Variants in DMC1 observed in about 807,000 individuals in gnomAD.
DMC1 encodes DNA meiotic recombinase 1.
A neutral mutation model predicts 50.1 loss-of-function variants in DMC1; 27 were observed. That is an observed-to-expected ratio of 0.54 (90% CI 0.40 to 0.74). DMC1 has a LOEUF of 0.74. Among genes scored for constraint, DMC1 ranks in the 30% least tolerant of loss-of-function variants. The pLI, the probability that DMC1 is intolerant of heterozygous loss-of-function variation, is 0.00. For missense variants in DMC1, 295 were observed against 420.2 expected, an observed-to-expected ratio of 0.70 and a Z score of 2.60; for synonymous variants, 148 against 136.1, an observed-to-expected ratio of 1.09 and a Z score of -0.61.
At chr22:38,547,225 T>C (rs1820168617) in intron 8 of DMC1, among the ~76,000 whole-genome samples, 1 of 152,202 alleles carries the variant, frequency 6.6e-6, no homozygotes, top group Non-Finnish European at 1.5e-5. Flanking sequence ...AGAGACACTA[T>C]GTTGCCCAGG....
chr22:38,541,776 G>A (rs1489103947), intron 8 of DMC1, among the ~76,000 whole-genome samples: 2 of 151,952 alleles, frequency 1.3e-5, no homozygotes, highest in Non-Finnish European at 2.9e-5. Flanking sequence ...TTTGGTCTGG[G>A]AACAATGTGA....
At position 38,521,576 on chromosome 22, in the gene DMC1, C is replaced by CAA. The variant is rs776399264; in HGVS notation, c.953+31_953+32insTT. ...ACACACACACACACACACACACACA[C>CAA]ACACACACACACAAAATAAAAAAAA... On this transcript the variant is annotated intron_variant, in intron 13 of 13. Transcript: ENST00000216024. 134 of 1,294,858 alleles carry CAA rather than the reference C, an allele frequency of 1.0e-4. 3 individuals are homozygous for CAA. The African/African-American group carries it at 1.8e-3, about 18-fold the overall frequency. The allele number at this position is 1,294,858 out of a possible 1,614,324, so 80.2% of individuals were successfully genotyped here. A position where few individuals can be genotyped will look rare whatever the true frequency, so the allele number is the denominator to read the frequency against.
chr22:38,540,039 C>G (rs886194290), intron 8 of DMC1, among the ~76,000 whole-genome samples: 1 of 152,086 alleles, frequency 6.6e-6, no homozygotes, highest in Non-Finnish European at 1.5e-5. Flanking sequence ...AAATATCGAC[C>G]AAAGGTTTTT....
At chr22:38,511,664 C>T in the DMC1 span, among the ~76,000 whole-genome samples, 4 of 152,092 alleles carry the variant, frequency 2.6e-5, no homozygotes, top group Non-Finnish European at 4.4e-5. Flanking sequence ...TGCAGTGACA[C>T]GATCACAGCT....
chr22:38,521,538 TACACACACACACACACACAC>T (rs111317680), intron 13 of DMC1, 50 bp downstream of exon 13: 101 of 642,982 alleles, frequency 1.6e-4, no homozygotes, highest in Middle Eastern at 4.7e-4. Context: ...ACCCCGTCTC[TACACACACACACACACACAC>T]ACACACACAC....
intron 8 of DMC1, among the ~76,000 whole-genome samples, chr22:38,540,543 C>T (rs995739392): frequency 6.6e-6 from 1 of 152,100 alleles, no homozygotes; most frequent in African/African-American, 2.4e-5. Context: ...ATGTTTGTAA[C>T]CTTATTTCAC....
downstream of DMC1, among the ~76,000 whole-genome samples, chr22:38,515,241 G>C (rs1348352321): frequency 6.6e-6 from 1 of 150,512 alleles, no homozygotes; most frequent in Non-Finnish European, 1.5e-5. Flanking sequence ...ACTTTGGGAG[G>C]CCGAGGCAGG....
intron 12 of DMC1, among the ~76,000 whole-genome samples, chr22:38,531,118 A>C (rs1430767894): frequency 1.3e-5 from 2 of 152,192 alleles, no homozygotes; most frequent in Admixed American, 1.3e-4. Flanking sequence ...CAAGACTGCA[A>C]ATGTTCTACG....
chr22:38,518,875 A>T (rs1052512216), downstream of DMC1: 1 of 152,302 alleles, frequency 6.6e-6, no homozygotes, highest in Non-Finnish European at 1.5e-5. Flanking sequence ...AAGTCTATAA[A>T]GATTGAAGTC....
At chr22:38,539,197 G>A (rs2090252240) in intron 9 of DMC1, 124 bp downstream of exon 9, 1 of 713,572 alleles carries the variant, frequency 1.4e-6, no homozygotes, top group Non-Finnish European at 2.5e-6. Flanking sequence ...TTTATAGACT[G>A]AGTAAATTAA....
At chr22:38,541,109 T>C (rs1028102806) in intron 8 of DMC1, among the ~76,000 whole-genome samples, 3 of 152,056 alleles carry the variant, frequency 2.0e-5, no homozygotes, top group Admixed American at 6.6e-5. Context: ...AAACAAGTTA[T>C]TGGGGGTCTG....
chr22:38,549,189 G>A (rs986749701), intron 8 of DMC1, among the ~76,000 whole-genome samples: 1 of 152,050 alleles, frequency 6.6e-6, no homozygotes, highest in Non-Finnish European at 1.5e-5. Flanking sequence ...CATCTTTCTA[G>A]CCCATATCCT....
chr22:38,554,242 C>G (rs1336890209), intron 6 of DMC1, among the ~76,000 whole-genome samples: 1 of 152,110 alleles, frequency 6.6e-6, no homozygotes, highest in Non-Finnish European at 1.5e-5. Context: ...TAGTCTTAAA[C>G]TGGTGCCATC....
At chr22:38,513,392 G>A in the DMC1 span, among the ~76,000 whole-genome samples, 2 of 152,208 alleles carry the variant, frequency 1.3e-5, no homozygotes, top group Non-Finnish European at 2.9e-5. Flanking sequence ...GAAAACAAGT[G>A]TTATTATGAT....
intron 8 of DMC1, among the ~76,000 whole-genome samples, chr22:38,547,754 GT>G (rs2090359185): frequency 6.6e-6 from 1 of 152,078 alleles, no homozygotes; most frequent in African/African-American, 2.4e-5. Context: ...GGTCAGGCTG[GT>G]CTCGAACTCC....
intron 3 of DMC1, 55 bp from the exon 4 acceptor site, chr22:38,566,791 C>T: frequency 6.5e-7 from 1 of 1,545,842 alleles, no homozygotes; most frequent in Non-Finnish European, 8.9e-7. Flanking sequence ...CTGCAAGGCT[C>T]CCATACTATG....
At chr22:38,514,272 T>G (rs1486827978), downstream of DMC1, among the ~76,000 whole-genome samples, 2 of 120,332 alleles carry the variant, frequency 1.7e-5, no homozygotes, top group African/African-American at 3.4e-5. Context: ...TTTTTTTTTT[T>G]GTGAGATGGA....
chr22:38,549,106 C>T (rs190751567), intron 8 of DMC1, among the ~76,000 whole-genome samples: 3 of 152,218 alleles, frequency 2.0e-5, no homozygotes, highest in African/African-American at 7.2e-5. Context: ...CATTACTTGC[C>T]TAGAATATTG....
intron 9 of DMC1, 88 bp from the exon 10 acceptor site, chr22:38,538,700 A>C: frequency 8.7e-7 from 1 of 1,152,776 alleles, no homozygotes; most frequent in Non-Finnish European, 1.3e-6. Flanking sequence ...CAGGCAAAAT[A>C]AATTCCTTGA....
Sources: allele counts gnomAD v4.1 joint callset (sites outside exome capture counted in the v4.1 genomes callset), GRCh38; gene constraint gnomAD v4.1.1; transcripts MANE v1.5; gene names NCBI Gene and HGNC (gene_info 2026-07-23, HGNC 2026-07-21).